Variants in FUT9 observed in about 807,000 individuals in gnomAD.
FUT9 encodes the protein fucosyltransferase 9, also known as 4-galactosyl-N-acetylglucosaminide 3-alpha-L-fucosyltransferase 9.
A neutral mutation model predicts 29.7 loss-of-function variants in FUT9; 15 were observed. That is an observed-to-expected ratio of 0.51 (90% CI 0.34 to 0.78). The LOEUF (loss-of-function observed/expected upper bound fraction) is 0.78. FUT9 is among the 30% of genes least tolerant of loss of function. The probability of loss-of-function intolerance (pLI) is 0.01; values close to 1 mark genes in which losing one functional copy is unlikely to be tolerated. For missense variants in FUT9, 319 were observed against 425.4 expected (o/e 0.75, Z 2.20); for synonymous variants, 169 against 153.7 (o/e 1.10, Z -0.74).
At chr6:96,140,033 C>G (rs1027960433) in intron 2 of FUT9, among the ~76,000 whole-genome samples, 3 of 152,160 alleles carry the variant, frequency 2.0e-5, no homozygotes, top group Non-Finnish European at 4.4e-5. Context: ...ATTTTTCAAA[C>G]TTTTATACTC....
Position 96,114,121 on chromosome 6 carries a change from C to G in FUT9, c.-15C>G, listed in dbSNP as rs569418872. 1 of 152,166 alleles carries G rather than the reference C, an allele frequency of 6.6e-6. No homozygotes were observed. The highest frequency in any genetic ancestry group is 1.5e-5 in the Non-Finnish European group (1 of 67,986). The allele number at this position is 152,166 out of a possible 1,614,324, so 9.4% of individuals were successfully genotyped here. A position where few individuals can be genotyped will look rare whatever the true frequency, so the allele number is the denominator to read the frequency against. ...CTACGTGCTTCCCATGATATGTTCT[C>G]TATATTGTAAGTATATATTTACTTT... is the stretch of plus-strand genomic sequence containing the variant. On this transcript the variant is annotated 5_prime_UTR_variant, in exon 2 of 3. Transcript: ENST00000302103.
At chr6:96,047,687 A>G (rs966541453) in intron 1 of FUT9, among the ~76,000 whole-genome samples, 6 of 152,214 alleles carry the variant, frequency 3.9e-5, no homozygotes, top group African/African-American at 1.4e-4. Flanking sequence ...TGACACCACT[A>G]TAAGAATAAA....
At chr6:96,132,578 A>G (rs2127969782) in intron 2 of FUT9, among the ~76,000 whole-genome samples, 1 of 152,234 alleles carries the variant, frequency 6.6e-6, no homozygotes, top group South Asian at 2.1e-4. Context: ...CAAAAGAGAA[A>G]GGGCGACAAT....
chr6:96,190,782 A>G (rs895906064), intron 2 of FUT9, among the ~76,000 whole-genome samples: 1 of 151,950 alleles, frequency 6.6e-6, no homozygotes, highest in African/African-American at 2.4e-5. Flanking sequence ...ACTTCTCTAC[A>G]CTGGTTATTC....
chr6:96,075,668 G>A (rs1457323316), intron 1 of FUT9, among the ~76,000 whole-genome samples: 3 of 152,032 alleles, frequency 2.0e-5, no homozygotes, highest in East Asian at 3.9e-4. Context: ...ATGGAAATTA[G>A]TACACATTTT....
At position 96,021,751 on chromosome 6, in the gene FUT9, G is replaced by A. The variant is rs6938860; in HGVS notation, c.-98+5539G>A. Among the ~76,000 whole-genome samples, 513 of 152,042 alleles carry A rather than the reference G, an allele frequency of 3.4e-3. 4 individuals carry two copies. The highest frequency in any genetic ancestry group is 0.012 in the African/African-American group (496 of 41,492). ...GTATATGGCAGCATTTAAATAATACGTATTACATGTCATCTGACCTAGAAC... is the reference window on the plus strand; with the variant it reads ...GTATATGGCAGCATTTAAATAATACATATTACATGTCATCTGACCTAGAAC... On this transcript the variant is annotated intron_variant, in intron 1 of 2. Transcript: ENST00000302103.
chr6:96,188,669 A>G (rs893402504), intron 2 of FUT9, among the ~76,000 whole-genome samples: 18 of 149,874 alleles, frequency 1.2e-4, no homozygotes, highest in African/African-American at 4.2e-4. Context: ...GTGTTTAAAC[A>G]CATGCACATA....
intron 2 of FUT9, among the ~76,000 whole-genome samples, chr6:96,168,002 A>C (rs2127982181): frequency 6.6e-6 from 1 of 152,346 alleles, no homozygotes; most frequent in East Asian, 1.9e-4. Flanking sequence ...AATTGGATAC[A>C]CACGCAAGAG....
At position 96,020,688 on chromosome 6, in the gene FUT9, G is replaced by T. The variant is rs1034392074; in HGVS notation, c.-98+4476G>T. The T allele has an allele frequency of 2.6e-5, 4 of 152,012 alleles. No individual in the cohort carries two copies. In the South Asian group the frequency reaches 8.3e-4, roughly 32 times the overall value. The allele number at this position is 152,012 out of a possible 1,614,324, so 9.4% of individuals were successfully genotyped here. A position where few individuals can be genotyped will look rare whatever the true frequency, so the allele number is the denominator to read the frequency against. The stretch of plus-strand genomic sequence containing the variant: ...GAAGAATAACATGGTGACATATTTT[G>T]ATATCTCCATTACATTTTCTGGAAC... On this transcript the variant is annotated intron_variant, in intron 1 of 2. Coordinates refer to ENST00000302103, the MANE Select transcript of FUT9 (RefSeq NM_006581.4).
intron 2 of FUT9, among the ~76,000 whole-genome samples, chr6:96,149,157 CA>C (rs956061529): frequency 5.5e-4 from 22 of 39,716 alleles, no homozygotes; most frequent in African/African-American, 9.2e-4. Context: ...AGTGAGACTC[CA>C]AAAAAAAAAA....
chr6:96,062,250 A>C (rs1295531945), intron 1 of FUT9, among the ~76,000 whole-genome samples: 1 of 152,048 alleles, frequency 6.6e-6, no homozygotes, highest in Non-Finnish European at 1.5e-5. Context: ...GAAAGTAACA[A>C]ATAGAAATCA....
chr6:96,156,283 A>G (rs1772782933), intron 2 of FUT9, among the ~76,000 whole-genome samples: 1 of 152,290 alleles, frequency 6.6e-6, no homozygotes, highest in Non-Finnish European at 1.5e-5. Flanking sequence ...TATGAACACA[A>G]CTTTTCCCCT....
chr6:96,097,753 C>G (rs1771525151), intron 1 of FUT9, among the ~76,000 whole-genome samples: 1 of 152,098 alleles, frequency 6.6e-6, no homozygotes, highest in African/African-American at 2.4e-5. Flanking sequence ...AAATTTCCTC[C>G]TAAGTATAGT....
At chr6:96,174,722 G>C (rs1438577806) in intron 2 of FUT9, among the ~76,000 whole-genome samples, 1 of 152,156 alleles carries the variant, frequency 6.6e-6, no homozygotes, top group Non-Finnish European at 1.5e-5. Flanking sequence ...AACTGAGAAA[G>C]TGTGACTAGG....
At chr6:96,103,792 T>C (rs189673368) in intron 1 of FUT9, among the ~76,000 whole-genome samples, 54 of 152,312 alleles carry the variant, frequency 3.5e-4, no homozygotes, top group Non-Finnish European at 5.9e-4. Flanking sequence ...ATTTGATGGA[T>C]GAAAATTGTA....
At chr6:96,179,152 C>T (rs146727091) in intron 2 of FUT9, among the ~76,000 whole-genome samples, 3 of 152,162 alleles carry the variant, frequency 2.0e-5, no homozygotes, top group South Asian at 2.1e-4. Context: ...ATAGAAGATT[C>T]GTCCTTCTTC....
intron 2 of FUT9, among the ~76,000 whole-genome samples, chr6:96,172,762 T>C (rs1773136226): frequency 6.6e-6 from 1 of 151,978 alleles, no homozygotes; most frequent in African/African-American, 2.4e-5. Flanking sequence ...TTGACAAACA[T>C]GCACAAAATT....
chr6:96,077,283 A>G (rs568472871), intron 1 of FUT9, among the ~76,000 whole-genome samples: 1 of 152,270 alleles, frequency 6.6e-6, no homozygotes, highest in East Asian at 1.9e-4. Context: ...AGAATATTAG[A>G]AACTTTAGTC....
rs1304918357 is a variant in FUT9, at chr6:96,205,210, T to C, written c.*975T>C. ...AGATTTGGCTCATAATGATGAGCCC[T>C]ATCATTTGATTTGAGTTCTATCATT... On this transcript the variant is annotated 3_prime_UTR_variant, in exon 3 of 3. Transcript: ENST00000302103. 2 of 167,046 alleles carry C rather than the reference T, an allele frequency of 1.2e-5. No homozygotes were observed. Among genetic ancestry groups the C allele is most frequent in the African/African-American group, 2.4e-5 (1 of 41,462 alleles). The allele number at this position is 167,046 out of a possible 1,614,324, so 10.3% of individuals were successfully genotyped here.
Sources: allele counts gnomAD v4.1 joint callset (sites outside exome capture counted in the v4.1 genomes callset), GRCh38; gene constraint gnomAD v4.1.1; transcripts MANE v1.5; gene names NCBI Gene and HGNC (gene_info 2026-07-23, HGNC 2026-07-21).